GABRB3: variants seen among roughly 807,000 people sequenced by gnomAD.
The protein encoded by GABRB3 is gamma-aminobutyric acid type A receptor subunit beta3.
In GABRB3, 14 loss-of-function variants were observed where a neutral mutation model predicts 52.1. That is an observed-to-expected ratio of 0.27 (90% CI 0.18 to 0.42). The LOEUF (loss-of-function observed/expected upper bound fraction) is 0.42. Ranked by LOEUF, GABRB3 falls within the 10% of genes least tolerant of loss-of-function variation. The pLI is 1.00. For synonymous variants in GABRB3, 260 were observed against 232.3 expected (o/e 1.12, Z -1.08); for missense variants, 307 against 609.1 (o/e 0.50, Z 5.22).
At chr15:26,643,223 C>A (rs1595504674) in intron 3 of GABRB3, among the ~76,000 whole-genome samples, 1 of 152,208 alleles carries the variant, frequency 6.6e-6, no homozygotes, top group African/African-American at 2.4e-5. Context: ...GCTGTTCTCC[C>A]CTGGTCTCCT....
At chr15:26,698,564 G>C (rs1281957066) in intron 3 of GABRB3, among the ~76,000 whole-genome samples, 2 of 152,080 alleles carry the variant, frequency 1.3e-5, no homozygotes, top group African/African-American at 4.8e-5. Context: ...AAATAGAAAA[G>C]AGAAAAAATT....
chr15:26,584,308 C>T (rs1276920515), intron 4 of GABRB3, among the ~76,000 whole-genome samples: 1 of 152,172 alleles, frequency 6.6e-6, no homozygotes, highest in East Asian at 1.9e-4. Flanking sequence ...CTCTCTACTA[C>T]AGACAGAGCC....
chr15:26,552,289 G>A (rs1159010100), intron 8 of GABRB3, among the ~76,000 whole-genome samples: 2 of 152,226 alleles, frequency 1.3e-5, no homozygotes, highest in African/African-American at 4.8e-5. Flanking sequence ...TTACAAGTGT[G>A]AGCCACCACA....
At chr15:26,584,715 T>C (rs2140741343) in intron 4 of GABRB3, among the ~76,000 whole-genome samples, 1 of 152,322 alleles carries the variant, frequency 6.6e-6, no homozygotes, top group African/African-American at 2.4e-5. Context: ...AGCCTTCTCT[T>C]AGGGAGACCA....
At chr15:26,624,791 G>C in intron 3 of GABRB3, 1 of 985,504 alleles carries the variant, frequency 1.0e-6, no homozygotes. Context: ...GAAGGGGGTG[G>C]TGGAAAGGTC....
At chr15:26,594,138 T>A (rs893689880) in intron 4 of GABRB3, among the ~76,000 whole-genome samples, 4 of 151,462 alleles carry the variant, frequency 2.6e-5, no homozygotes, top group South Asian at 4.2e-4. Context: ...TAGTTCTTTG[T>A]CCATGTTTTC....
At chr15:26,744,288 T>C (rs1483500737) in intron 3 of GABRB3, among the ~76,000 whole-genome samples, 1 of 152,228 alleles carries the variant, frequency 6.6e-6, no homozygotes, top group East Asian at 1.9e-4. Flanking sequence ...ATAGGCTGTA[T>C]AAACATTTAA....
At chr15:26,604,104 T>C (rs964688449) in intron 4 of GABRB3, among the ~76,000 whole-genome samples, 7 of 152,180 alleles carry the variant, frequency 4.6e-5, no homozygotes, top group East Asian at 3.9e-4. Context: ...ACTAAACAAG[T>C]AGCACTTCTA....
chr15:26,712,390 CA>C (rs1889327574), intron 3 of GABRB3, among the ~76,000 whole-genome samples: 3 of 151,778 alleles, frequency 2.0e-5, no homozygotes, highest in African/African-American at 7.3e-5. Context: ...GCAGGGGAAC[CA>C]GAAGAGCAGC....
chr15:26,568,723 G>A (rs1793594918), intron 6 of GABRB3, among the ~76,000 whole-genome samples: 1 of 146,548 alleles, frequency 6.8e-6, no homozygotes, highest in Non-Finnish European at 1.5e-5. Context: ...CACCATATTG[G>A]CCAGACTGGT....
chr15:26,678,352 G>A (rs1478018187), intron 3 of GABRB3, among the ~76,000 whole-genome samples: 2 of 152,128 alleles, frequency 1.3e-5, no homozygotes, highest in Non-Finnish European at 2.9e-5. Context: ...TCAGGCTCCC[G>A]ACAATGTTGT....
chr15:26,670,564 G>A (rs952743261), intron 3 of GABRB3, among the ~76,000 whole-genome samples: 2 of 152,194 alleles, frequency 1.3e-5, no homozygotes, highest in Non-Finnish European at 2.9e-5. Context: ...CGAGCCGCGC[G>A]GCCGTCACAG....
intron 3 of GABRB3, among the ~76,000 whole-genome samples, chr15:26,712,515 T>C (rs921404470): frequency 2.0e-5 from 3 of 152,068 alleles, no homozygotes; most frequent in Non-Finnish European, 2.9e-5. Context: ...CAGCACACTA[T>C]AGGATTCTCT....
chr15:26,709,498 TTTTC>T (rs920710451), intron 3 of GABRB3, among the ~76,000 whole-genome samples: 5 of 143,334 alleles, frequency 3.5e-5, no homozygotes, highest in Non-Finnish European at 6.0e-5. Context: ...CGTAAACCTC[TTTTC>T]TTTTTTTTCT....
intron 3 of GABRB3, among the ~76,000 whole-genome samples, chr15:26,655,366 T>C (rs1566792577): frequency 2.6e-5 from 4 of 152,188 alleles, no homozygotes. Context: ...TCCATAGCCA[T>C]AAAGGCAAGT....
chr15:26,601,388 C>T lies in GABRB3; in HGVS notation c.462-17974G>A, dbSNP rs142167811. On this transcript the variant is annotated intron_variant, in intron 4 of 8. Transcript: ENST00000311550. ...TCGCGCCACTGCTCTCCAGCCTGGG[C>T]GACACAGCGAAACTCCGTCTCAAAG... 5.3e-3 allele frequency among the ~76,000 whole-genome samples: 799 copies of T among 150,716 alleles called. 4 individuals carry two copies. Among genetic ancestry groups the T allele is most frequent in the African/African-American group, 0.018 (744 of 41,056 alleles).
intron 3 of GABRB3, among the ~76,000 whole-genome samples, chr15:26,686,833 G>A (rs933120361): frequency 6.6e-6 from 1 of 152,242 alleles, no homozygotes; most frequent in Non-Finnish European, 1.5e-5. Flanking sequence ...AGTCTGCTTT[G>A]GAAGGAATAT....
chr15:26,769,535 T>A (rs539838586), intron 3 of GABRB3, among the ~76,000 whole-genome samples: 1 of 152,296 alleles, frequency 6.6e-6, no homozygotes, highest in South Asian at 2.1e-4. Context: ...CACAGGGGTT[T>A]GTCTTGCTTT....
At chr15:26,773,633 C>G, upstream of GABRB3, 1 of 1,552,478 alleles carries the variant, frequency 6.4e-7, no homozygotes, top group Non-Finnish European at 8.7e-7. Context: ...CGCCGGGAAG[C>G]CCCCGCCTCA....
Sources: gnomAD v4.1 joint callset for allele counts (sites outside exome capture counted in the v4.1 genomes callset) on GRCh38, gnomAD v4.1.1 for gene constraint, MANE v1.5 for transcripts, NCBI Gene and HGNC (gene_info 2026-07-23, HGNC 2026-07-21) for gene names.